The following CSMD3 variants were observed in gnomAD, a reference collection of about 807,000 sequenced individuals.
CSMD3 encodes the protein CUB and Sushi multiple domains 3.
In CSMD3, 177 loss-of-function variants were observed where a neutral mutation model predicts 435.2. The ratio of observed to expected loss-of-function variants is 0.41; its 90% CI spans 0.36 to 0.46. The LOEUF is 0.46. Among genes scored for constraint, CSMD3 ranks in the 20% least tolerant of loss-of-function variants. The probability of loss-of-function intolerance (pLI) is 0.34; values close to 1 mark genes in which losing one functional copy is unlikely to be tolerated. For synonymous variants in CSMD3, 1,656 were observed against 1,520.5 expected, an observed-to-expected ratio of 1.09 and a Z score of -2.07; for missense variants, 4,265 against 4,504.6, an observed-to-expected ratio of 0.95 and a Z score of 1.52.
chr8:112,648,674 CT>C (rs1394869293), intron 19 of CSMD3, among the ~76,000 whole-genome samples: 1 of 152,112 alleles, frequency 6.6e-6, no homozygotes, highest in Non-Finnish European at 1.5e-5. Flanking sequence ...GATATATTTG[CT>C]TTTATTATTA....
chr8:112,767,072 T>C (rs1283278850), intron 13 of CSMD3, among the ~76,000 whole-genome samples: 1 of 151,982 alleles, frequency 6.6e-6, no homozygotes, highest in African/African-American at 2.4e-5. Context: ...TTGTTTTCTA[T>C]AGTAAATTTT....
At chr8:112,897,300 C>A (rs1381743137) in intron 10 of CSMD3, among the ~76,000 whole-genome samples, 1 of 151,180 alleles carries the variant, frequency 6.6e-6, no homozygotes, top group African/African-American at 2.4e-5. Context: ...ATGTTTTATT[C>A]CCAGAACATA....
intron 13 of CSMD3, among the ~76,000 whole-genome samples, chr8:112,743,308 A>T (rs2077354608): frequency 6.6e-6 from 1 of 151,602 alleles, no homozygotes; most frequent in Non-Finnish European, 1.5e-5. Context: ...AAAAAAAAAA[A>T]TAAATAAATA....
chr8:112,747,751 G>A (rs1220728566), intron 13 of CSMD3, among the ~76,000 whole-genome samples: 5 of 151,966 alleles, frequency 3.3e-5, no homozygotes, highest in South Asian at 2.1e-4. Context: ...CGAGGCAGGC[G>A]GATCACGAGG....
intron 11 of CSMD3, among the ~76,000 whole-genome samples, chr8:112,854,670 A>G (rs765201048): frequency 3.1e-4 from 47 of 152,188 alleles, no homozygotes; most frequent in Non-Finnish European, 5.6e-4. Context: ...ATTCACTGAG[A>G]AGGAATGGGA....
chr8:112,589,550 C>T (rs1831003456), intron 22 of CSMD3, among the ~76,000 whole-genome samples: 1 of 152,008 alleles, frequency 6.6e-6, no homozygotes, highest in Admixed American at 6.6e-5. Flanking sequence ...CTTATGAATG[C>T]CCAGCAAAAA....
chr8:113,093,177 A>C (rs2090059942), intron 5 of CSMD3, among the ~76,000 whole-genome samples: 1 of 152,118 alleles, frequency 6.6e-6, no homozygotes, highest in African/African-American at 2.4e-5. Context: ...AGATAGAAAC[A>C]AAGCAAGAGA....
At chr8:112,858,080 G>A (rs2511532) in intron 11 of CSMD3, among the ~76,000 whole-genome samples, 21,228 of 151,418 alleles carry the variant, frequency 0.14, 1,715 homozygotes, top group Middle Eastern at 0.3. Context: ...ATAGTCCCTT[G>A]GTTGAGTTTT....
Position 113,056,106 on chromosome 8 carries a change from T to C in CSMD3, c.918-36927A>G, listed in dbSNP as rs916068495. ...CACCAAACATTATAATGATGATAAC[T>C]CTTTTGGACATCAGAAAGGATGCAC... On this transcript the variant is annotated intron_variant, in intron 5 of 70. Transcript: ENST00000297405. Among the ~76,000 whole-genome samples, 3 of 152,172 alleles carry C rather than the reference T, an allele frequency of 2.0e-5. No individual in the cohort carries two copies. In the East Asian group the frequency reaches 5.8e-4, roughly 29 times the overall value.
chr8:112,988,827 T>C (rs1364277210), intron 6 of CSMD3, among the ~76,000 whole-genome samples: 2 of 152,044 alleles, frequency 1.3e-5, no homozygotes, highest in Non-Finnish European at 2.9e-5. Context: ...CTAATAATCA[T>C]AGCCTAACAC....
intron 27 of CSMD3, among the ~76,000 whole-genome samples, chr8:112,537,470 A>C (rs1320723259): frequency 6.6e-6 from 1 of 151,970 alleles, no homozygotes; most frequent in Non-Finnish European, 1.5e-5. Context: ...AAGATAAACT[A>C]AATTAACAAT....
chr8:112,957,696 C>T (rs2084077168), intron 7 of CSMD3, among the ~76,000 whole-genome samples: 1 of 151,466 alleles, frequency 6.6e-6, no homozygotes, highest in Non-Finnish European at 1.5e-5. Context: ...GAACTGCCTG[C>T]CTTGTCCTTC....
intron 13 of CSMD3, among the ~76,000 whole-genome samples, chr8:112,742,544 T>G (rs1354900666): frequency 6.6e-6 from 1 of 152,082 alleles, no homozygotes; most frequent in East Asian, 1.9e-4. Flanking sequence ...AAAAATACAT[T>G]ATTTTTGCCT....
At chr8:113,064,691 G>C (rs2088776955) in intron 5 of CSMD3, among the ~76,000 whole-genome samples, 1 of 152,138 alleles carries the variant, frequency 6.6e-6, no homozygotes, top group Admixed American at 6.6e-5. Flanking sequence ...TCATTTCTTT[G>C]TAACTCCATG....
chr8:112,842,840 A>G (rs2080218697), intron 11 of CSMD3, among the ~76,000 whole-genome samples: 1 of 151,798 alleles, frequency 6.6e-6, no homozygotes. Flanking sequence ...TACATCTTCA[A>G]AAGAATATAA....
At chr8:112,928,356 A>C (rs2082980842) in intron 9 of CSMD3, among the ~76,000 whole-genome samples, 1 of 152,168 alleles carries the variant, frequency 6.6e-6, no homozygotes, top group South Asian at 2.1e-4. Flanking sequence ...AAGAGAAAGC[A>C]TACTGATTAT....
intron 24 of CSMD3, among the ~76,000 whole-genome samples, chr8:112,566,369 A>G (rs1380513141): frequency 6.6e-6 from 1 of 152,070 alleles, no homozygotes; most frequent in Non-Finnish European, 1.5e-5. Context: ...GGTGGTAGAT[A>G]AATGTTAGCT....
chr8:112,781,537 A>G (rs2078385902), intron 13 of CSMD3, among the ~76,000 whole-genome samples: 1 of 152,080 alleles, frequency 6.6e-6, no homozygotes, highest in African/African-American at 2.4e-5. Flanking sequence ...GTCTGGTAGG[A>G]TTCATCATCT....
intron 68 of CSMD3, among the ~76,000 whole-genome samples, chr8:112,232,308 C>T (rs1013373133): frequency 6.6e-6 from 1 of 152,070 alleles, no homozygotes; most frequent in African/African-American, 2.4e-5. Flanking sequence ...TTCTTTACAA[C>T]ATGAAGAAAG....
Sources: gnomAD v4.1 joint callset for allele counts (sites outside exome capture counted in the v4.1 genomes callset) on GRCh38, gnomAD v4.1.1 for gene constraint, MANE v1.5 for transcripts, NCBI Gene and HGNC (gene_info 2026-07-23, HGNC 2026-07-21) for gene names.